DCPS: variants seen among roughly 807,000 people sequenced by gnomAD.
DCPS encodes m7GpppX diphosphatase.
DCPS carries 27 observed loss-of-function variants against 34.7 expected under a neutral mutation model. The ratio of observed to expected loss-of-function variants is 0.78; its 90% CI spans 0.57 to 1.07. The LOEUF (loss-of-function observed/expected upper bound fraction) is 1.07. Ranked by LOEUF, DCPS falls within the 50% of genes least tolerant of loss-of-function variation. The pLI is 0.00. For missense variants in DCPS, 464 were observed against 436.9 expected (o/e 1.06, Z -0.55); for synonymous variants, 185 against 185.7 (o/e 1.00, Z 0.03).
intron 5 of DCPS, among the ~76,000 whole-genome samples, 186 bp downstream of exon 5, chr11:126,343,603 C>G (rs1407753378): frequency 6.6e-6 from 1 of 152,134 alleles, no homozygotes; most frequent in Non-Finnish European, 1.5e-5. Flanking sequence ...CCTGGTCCTG[C>G]CACCTTTCCT....
chr11:126,346,237 G>A lies in DCPS; in HGVS notation c.*624G>A, dbSNP rs1005784179. Among the ~76,000 whole-genome samples the A allele has an allele frequency of 2.6e-4, 40 of 152,256 alleles. No homozygotes were observed. Among genetic ancestry groups the A allele is most frequent in the Non-Finnish European group, 2.9e-4 (20 of 68,024 alleles). ...AATAAGAATCAGATTATGCAAGGCC[G>A]AAAAGCCTGCCTTGCTCTGTTATTT... is the stretch of plus-strand genomic sequence containing the variant. On this transcript the variant is annotated 3_prime_UTR_variant, in exon 6 of 6. Transcript: ENST00000263579. The surrounding 1 kb of genome is among the most constrained non-coding windows in gnomAD (Gnocchi z 4.1).
intron 2 of DCPS, among the ~76,000 whole-genome samples, chr11:126,317,044 C>T (rs1212498809): frequency 6.6e-5 from 10 of 151,142 alleles, no homozygotes; most frequent in Admixed American, 2.0e-4. Flanking sequence ...CTGCAAGCTC[C>T]GCCTCCCAGG....
rs1355869642 is a variant in DCPS, at chr11:126,322,466, G to C, written c.377-8939G>C. On this transcript the variant is annotated intron_variant, in intron 2 of 5. Coordinates refer to ENST00000263579, the MANE Select transcript of DCPS (RefSeq NM_014026.6). This position sits in a 1 kb window ranked among gnomAD's most constrained non-coding sequence, Gnocchi z 4.2. ...TTTAGTAGAGATGGGGTTTCGCCAT[G>C]TTGGCCAAGTTGGTCTTGAACTCCT... 6.6e-6 allele frequency among the ~76,000 whole-genome samples: 1 copy of C among 152,066 alleles called. No individual in the cohort carries two copies. The highest frequency in any genetic ancestry group is 1.5e-5 in the Non-Finnish European group (1 of 68,008).
intron 2 of DCPS, among the ~76,000 whole-genome samples, chr11:126,326,223 G>A (rs1201074032): frequency 6.6e-6 from 1 of 152,226 alleles, no homozygotes; most frequent in Non-Finnish European, 1.5e-5. Flanking sequence ...CAGGGGTGTT[G>A]CCAGGTATCA....
At position 126,345,693 on chromosome 11, in the gene DCPS, TC is replaced by T; in HGVS notation, c.*81del. On this transcript the variant is annotated 3_prime_UTR_variant, in exon 6 of 6. Transcript: ENST00000263579. The surrounding 1 kb of genome is among the most constrained non-coding windows in gnomAD (Gnocchi z 7.4). ...AGATTTTTTATCTCCAAGTGAATTTTCTAAAAATGTATTTTATACCGGCTTA... is the reference window on the plus strand; with the variant it reads ...AGATTTTTTATCTCCAAGTGAATTTTTAAAAATGTATTTTATACCGGCTTA... 6.5e-7 allele frequency: 1 copy of T among 1,550,200 alleles called. No homozygotes were observed. The highest frequency in any genetic ancestry group is 2.3e-5 in the East Asian group (1 of 44,328).
At position 126,345,617 on chromosome 11, in the gene DCPS, A is replaced by G. The variant is rs1951918578; in HGVS notation, c.*4A>G. ...GCAGGAGGCTCAGCAAAGCTGAATT[A>G]ACTCAGGCAGAAGAGCACAGATGTG... is the stretch of plus-strand genomic sequence containing the variant. On this transcript the variant is annotated 3_prime_UTR_variant, in exon 6 of 6. Transcript: ENST00000263579. The surrounding 1 kb of genome is among the most constrained non-coding windows in gnomAD (Gnocchi z 7.4). 6 of 1,611,376 alleles carry G rather than the reference A, an allele frequency of 3.7e-6. No homozygotes were observed. Among genetic ancestry groups the G allele is most frequent in the Non-Finnish European group, 4.2e-6 (5 of 1,179,184 alleles).
chr11:126,317,390 G>A (rs12283024), intron 2 of DCPS, among the ~76,000 whole-genome samples: 10,762 of 145,276 alleles, frequency 0.074, 506 homozygotes, highest in East Asian at 0.18. Context: ...CATTCTCATA[G>A]CATTTTGCTC....
rs1420028689 is a variant in DCPS, at chr11:126,319,599, G to T, written c.377-11806G>T. Among the ~76,000 whole-genome samples the T allele has an allele frequency of 6.6e-6, 1 of 152,148 alleles. No individual in the cohort carries two copies. The highest frequency in any genetic ancestry group is 2.4e-5 in the African/African-American group (1 of 41,424). ...CTCTGCATGTCTGACCACACCCCCTGTCTGGACCTCACTTGCTCTGGCACC... is the reference window on the plus strand; with the variant it reads ...CTCTGCATGTCTGACCACACCCCCTTTCTGGACCTCACTTGCTCTGGCACC... On this transcript the variant is annotated intron_variant, in intron 2 of 5. Transcript: ENST00000263579. This position sits in a 1 kb window ranked among gnomAD's most constrained non-coding sequence, Gnocchi z 4.5.
rs992415513 is a variant in DCPS, at chr11:126,313,074, G to C, written c.376+6330G>C. Among the ~76,000 whole-genome samples the C allele has an allele frequency of 3.3e-5, 5 of 152,226 alleles. No individual in the cohort carries two copies. The highest frequency in any genetic ancestry group is 7.3e-5 in the Non-Finnish European group (5 of 68,048). On this transcript the variant is annotated intron_variant, in intron 2 of 5. Coordinates refer to ENST00000263579, the MANE Select transcript of DCPS (RefSeq NM_014026.6). The surrounding 1 kb of genome is among the most constrained non-coding windows in gnomAD (Gnocchi z 4.9). The stretch of plus-strand genomic sequence containing the variant: ...TGTTCTCCTTTACCTGGGGAAGAAG[G>C]GGGAGATAGCAGGGAGAGAGGTGTG...
At position 126,315,195 on chromosome 11, in the gene DCPS, G is replaced by A. The variant is rs1162096761; in HGVS notation, c.376+8451G>A. ...AATAGTCTCTATGCCAAACCCCTGC[G>A]AGACAATTTACCTGTAAACAAAGCT... On this transcript the variant is annotated intron_variant, in intron 2 of 5. Transcript: ENST00000263579. This position sits in a 1 kb window ranked among gnomAD's most constrained non-coding sequence, Gnocchi z 6.1. Among the ~76,000 whole-genome samples the A allele has an allele frequency of 4.6e-5, 7 of 152,006 alleles. No homozygotes were observed. Among genetic ancestry groups the A allele is most frequent in the East Asian group, 1.9e-4 (1 of 5,178 alleles).
Position 126,331,497 on chromosome 11 carries a change from G to A in DCPS, c.469G>A (p.Asp157Asn). Residue 157 changes from aspartate to asparagine, a missense_variant, in exon 3 of 6, where the codon GAC (aspartate) becomes AAC (asparagine). Physicochemically the swap from Asp to Asn is conservative, Grantham distance 23. Transcript: ENST00000263579. This position sits in a 1 kb window ranked among gnomAD's most constrained non-coding sequence, Gnocchi z 7.2. ...DLRLIRETGD[D>N]YRNITLPHLE... The stretch of plus-strand genomic sequence containing the variant: ...CCGCCTGATCCGAGAGACGGGAGAT[G>A]ACTACAGGAATATTACTTTACCCCA... 6.2e-7 allele frequency: 1 copy of A among 1,614,156 alleles called. No homozygotes were observed. Among genetic ancestry groups the A allele is most frequent in the Non-Finnish European group, 8.5e-7 (1 of 1,180,024 alleles).
chr11:126,317,107 T>G lies in DCPS; in HGVS notation c.376+10363T>G, dbSNP rs1028901337. ...CCAAGTAGCTGGGACTACAGGCGCG[T>G]GCCACCACGCCCAGTTAATTTTTTG... On this transcript the variant is annotated intron_variant, in intron 2 of 5. Coordinates refer to ENST00000263579, the MANE Select transcript of DCPS (RefSeq NM_014026.6). 2.6e-5 allele frequency among the ~76,000 whole-genome samples: 4 copies of G among 152,026 alleles called. No individual in the cohort carries two copies. In the East Asian group the frequency reaches 7.8e-4, roughly 29 times the overall value.
intron 2 of DCPS, among the ~76,000 whole-genome samples, chr11:126,311,418 G>A (rs999180259): frequency 2.6e-5 from 4 of 152,238 alleles, no homozygotes; most frequent in African/African-American, 9.6e-5. Flanking sequence ...CTGTGTTGGT[G>A]AAGATAACCG....
At position 126,332,764 on chromosome 11, in the gene DCPS, G is replaced by T. The variant is rs1951802911; in HGVS notation, c.522+1214G>T. On this transcript the variant is annotated intron_variant, in intron 3 of 5. Coordinates refer to ENST00000263579, the MANE Select transcript of DCPS (RefSeq NM_014026.6). The surrounding 1 kb of genome is among the most constrained non-coding windows in gnomAD (Gnocchi z 5.4). ...GGGTGCATCTGGCTCAAGCTGACTT[G>T]TTTGTTGTTGTTGTTGTTGTTTGTT... is the stretch of plus-strand genomic sequence containing the variant. Among the ~76,000 whole-genome samples, 1 of 152,096 alleles carries T rather than the reference G, an allele frequency of 6.6e-6. No homozygotes were observed.
intron 2 of DCPS, among the ~76,000 whole-genome samples, chr11:126,309,245 C>T (rs987474646): frequency 1.3e-5 from 2 of 152,022 alleles, no homozygotes; most frequent in African/African-American, 2.4e-5. Flanking sequence ...AGGCTGGTCT[C>T]GAACTCCTGA....
In DCPS at chr11:126,345,782, C is replaced by T; in HGVS notation, c.*169C>T. 1 of 1,006,330 alleles carries T rather than the reference C, an allele frequency of 9.9e-7. No homozygotes were observed. The highest frequency in any genetic ancestry group is 1.4e-6 in the Non-Finnish European group (1 of 704,490). 62.3% of individuals were successfully genotyped at this position (1,006,330 alleles called of 1,614,324 possible). A position where few individuals can be genotyped will look rare whatever the true frequency, so the allele number is the denominator to read the frequency against. Reference sequence around the variant, plus strand: ...TGGACAGCGTGGCCTGGGAGGCAGACAGATGGTGGGGGACAGTGGGTGGGT... The same window carrying T: ...TGGACAGCGTGGCCTGGGAGGCAGATAGATGGTGGGGGACAGTGGGTGGGT... On this transcript the variant is annotated 3_prime_UTR_variant, in exon 6 of 6. Transcript: ENST00000263579. The surrounding 1 kb of genome is among the most constrained non-coding windows in gnomAD (Gnocchi z 7.4).
rs1352078530 is a variant in DCPS at position 126,327,665 on chromosome 11, C to G, written c.377-3740C>G. On this transcript the variant is annotated intron_variant, in intron 2 of 5. Transcript: ENST00000263579. This position sits in a 1 kb window ranked among gnomAD's most constrained non-coding sequence, Gnocchi z 4.1. ...GCGTTCATTGTTTTTTGGCTGCCAT[C>G]GTAAACCTTAGCATTAGGAAATATA... 6.6e-6 allele frequency among the ~76,000 whole-genome samples: 1 copy of G among 152,032 alleles called. No homozygotes were observed. Among genetic ancestry groups the G allele is most frequent in the East Asian group, 1.9e-4 (1 of 5,198 alleles).
Position 126,312,713 on chromosome 11 carries a change from A to T in DCPS, c.376+5969A>T, listed in dbSNP as rs1352249171. 6.6e-6 allele frequency among the ~76,000 whole-genome samples: 1 copy of T among 152,204 alleles called. No individual in the cohort carries two copies. Among genetic ancestry groups the T allele is most frequent in the Non-Finnish European group, 1.5e-5 (1 of 68,038 alleles). ...TGGCCACTGTCCTGGATTAGGACCC[A>T]TTAAGAGAAGGTGTATAGAGCACGT... On this transcript the variant is annotated intron_variant, in intron 2 of 5. Transcript: ENST00000263579. This position sits in a 1 kb window ranked among gnomAD's most constrained non-coding sequence, Gnocchi z 5.1.
In DCPS at chr11:126,328,609, C is replaced by A. The variant is rs990838708; in HGVS notation, c.377-2796C>A. Among the ~76,000 whole-genome samples, 8 of 152,274 alleles carry A rather than the reference C, an allele frequency of 5.3e-5. No homozygotes were observed. Among genetic ancestry groups the A allele is most frequent in the African/African-American group, 1.9e-4 (8 of 41,560 alleles). Reference sequence around the variant, plus strand: ...CGGCAGACCAGGGCATGCTCACAGGCCGGGTGGCTTTCTGATCTGGAGCAG... The same window carrying A: ...CGGCAGACCAGGGCATGCTCACAGGACGGGTGGCTTTCTGATCTGGAGCAG... On this transcript the variant is annotated intron_variant, in intron 2 of 5. Coordinates refer to ENST00000263579, the MANE Select transcript of DCPS (RefSeq NM_014026.6). The surrounding 1 kb of genome is among the most constrained non-coding windows in gnomAD (Gnocchi z 6.6).
Sources: gnomAD v4.1 joint callset for allele counts (sites outside exome capture counted in the v4.1 genomes callset) on GRCh38, gnomAD v4.1.1 for gene constraint, Gnocchi (gnomAD v3.1) non-coding constraint, MANE v1.5 for transcripts, NCBI Gene and HGNC (gene_info 2026-07-23, HGNC 2026-07-21) for gene names.